The following DRGX variants were observed in gnomAD, a reference collection of about 807,000 sequenced individuals.
DRGX encodes the protein dorsal root ganglia homeobox protein.
Under a neutral mutation model 28.6 loss-of-function variants are expected in DRGX, and 21 were observed. That is an observed-to-expected ratio of 0.73 (90% CI 0.52 to 1.06). DRGX has a LOEUF of 1.06. DRGX is among the 50% of genes least tolerant of loss of function. DRGX has a pLI of 0.00. For synonymous variants in DRGX, 136 were observed against 139.1 expected, an observed-to-expected ratio of 0.98 and a Z score of 0.16; for missense variants, 354 against 343.9, an observed-to-expected ratio of 1.03 and a Z score of -0.23.
intron 6 of DRGX, among the ~76,000 whole-genome samples, chr10:49,374,299 C>A (rs534004051): frequency 6.6e-6 from 1 of 152,200 alleles, no homozygotes; most frequent in Non-Finnish European, 1.5e-5. Flanking sequence ...TCCGCCTGCA[C>A]TCAGGGTATT....
At chr10:49,366,811 A>G (rs1232119080) in intron 6 of DRGX, among the ~76,000 whole-genome samples, 1 of 152,232 alleles carries the variant, frequency 6.6e-6, no homozygotes, top group African/African-American at 2.4e-5. Flanking sequence ...AATGGAAGGA[A>G]ACCCAGCCAC....
intron 6 of DRGX, among the ~76,000 whole-genome samples, chr10:49,371,717 G>A (rs574368316): frequency 1.3e-5 from 2 of 150,944 alleles, no homozygotes; most frequent in South Asian, 2.1e-4. Flanking sequence ...GCTTGAACCC[G>A]GGAGGTGGAG....
chr10:49,385,144 A>C (rs1262554475), intron 6 of DRGX, among the ~76,000 whole-genome samples: 1 of 152,112 alleles, frequency 6.6e-6, no homozygotes, highest in African/African-American at 2.4e-5. Flanking sequence ...ATGTTGCTCT[A>C]TGGGGTTGGG....
intron 6 of DRGX, among the ~76,000 whole-genome samples, chr10:49,378,810 C>T (rs1849742710): frequency 6.6e-6 from 1 of 151,846 alleles, no homozygotes; most frequent in South Asian, 2.1e-4. Context: ...AGTGCTGAGC[C>T]GAAGAACTCA....
At chr10:49,392,181 G>A (rs952382913) in intron 2 of DRGX, among the ~76,000 whole-genome samples, 1 of 152,216 alleles carries the variant, frequency 6.6e-6, no homozygotes, top group African/African-American at 2.4e-5. Flanking sequence ...ATTAACCAGT[G>A]AATACTTTAC....
intron 6 of DRGX, among the ~76,000 whole-genome samples, chr10:49,371,682 C>G (rs1849660637): frequency 6.6e-6 from 1 of 151,066 alleles, no homozygotes; most frequent in Non-Finnish European, 1.5e-5. Context: ...ATCCCAGGTA[C>G]TCCGGAGGCT....
chr10:49,388,486 T>C (rs185717518), intron 4 of DRGX, among the ~76,000 whole-genome samples: 360 of 152,378 alleles, frequency 2.4e-3, no homozygotes, highest in African/African-American at 8.2e-3. Flanking sequence ...TCTAATCTAC[T>C]TGGCTTTTAA....
intron 6 of DRGX, among the ~76,000 whole-genome samples, chr10:49,377,789 T>A (rs1429478555): frequency 1.3e-5 from 2 of 152,224 alleles, no homozygotes; most frequent in African/African-American, 4.8e-5. Context: ...ACTGCCCAGT[T>A]GAGCCCAGCC....
intron 6 of DRGX, among the ~76,000 whole-genome samples, chr10:49,367,073 C>A (rs140298073): frequency 1.7e-4 from 26 of 152,280 alleles, no homozygotes; most frequent in Non-Finnish European, 2.9e-4. Context: ...AAAATGAAAG[C>A]AGTCAGGTAC....
In DRGX at chr10:49,376,544, C is replaced by G. The variant is rs116580221; in HGVS notation, c.526+9934G>C. On this transcript the variant is annotated intron_variant, in intron 6 of 6. Coordinates refer to ENST00000374139, the MANE Select transcript of DRGX (RefSeq NM_001276451.2). ...AAACCTCTGCCTCAGCGATCCAAAC[C>G]CAAGCCCTAATCAGATCCCAAGTGA... Among the ~76,000 whole-genome samples, 945 of 152,276 alleles carry G rather than the reference C, an allele frequency of 6.2e-3. 9 individuals carry two copies. The highest frequency in any genetic ancestry group is 0.021 in the African/African-American group (892 of 41,552).
chr10:49,370,512 C>T (rs1238883420), intron 6 of DRGX, among the ~76,000 whole-genome samples: 4 of 152,174 alleles, frequency 2.6e-5, no homozygotes, highest in Non-Finnish European at 5.9e-5. Flanking sequence ...TCAAAGGGGG[C>T]GGATGCCTGC....
intron 2 of DRGX, chr10:49,391,719 C>T (rs1048200465): frequency 4.3e-6 from 2 of 460,388 alleles, no homozygotes; most frequent in African/African-American, 4.1e-5. Flanking sequence ...GAATTAAAAT[C>T]TGGGGGTTAG....
At chr10:49,394,858 C>T (rs1385993012) in intron 2 of DRGX, among the ~76,000 whole-genome samples, 1 of 152,196 alleles carries the variant, frequency 6.6e-6, no homozygotes, top group African/African-American at 2.4e-5. Flanking sequence ...GTGGGCAGGG[C>T]CACCTGGTTC....
At position 49,395,481 on chromosome 10, in the gene DRGX, G is replaced by A; in HGVS notation, c.-41C>T. The A allele has an allele frequency of 6.5e-7, 1 of 1,548,930 alleles. No homozygotes were observed. Among genetic ancestry groups the A allele is most frequent in the South Asian group, 1.2e-5 (1 of 84,054 alleles). On this transcript the variant is annotated 5_prime_UTR_variant, in exon 2 of 7. Transcript: ENST00000374139. ...CGGCTGGACGGCCGAGACCTGGGAGGGTGGCAGCAGAACGGACCCGCGCGC... is the reference window on the plus strand; with the variant it reads ...CGGCTGGACGGCCGAGACCTGGGAGAGTGGCAGCAGAACGGACCCGCGCGC...
intron 2 of DRGX, among the ~76,000 whole-genome samples, chr10:49,393,298 T>C (rs889427970): frequency 2.0e-5 from 3 of 152,242 alleles, no homozygotes; most frequent in African/African-American, 7.2e-5. Flanking sequence ...TGTAGCAATA[T>C]AATTTCAGTG....
chr10:49,371,686 G>A (rs554585440), intron 6 of DRGX, among the ~76,000 whole-genome samples: 8 of 151,704 alleles, frequency 5.3e-5, no homozygotes, highest in East Asian at 1.9e-4. Flanking sequence ...CAGGTACTCC[G>A]GAGGCTAAGG....
At chr10:49,390,559 G>A (rs1382696838) in intron 3 of DRGX, among the ~76,000 whole-genome samples, 1 of 152,202 alleles carries the variant, frequency 6.6e-6, no homozygotes, top group Non-Finnish European at 1.5e-5. Context: ...AACTGTTAGA[G>A]TAATTGTTAT....
rs990124996 is a variant in DRGX, at chr10:49,364,735, T to C, written c.*1381A>G. Reference sequence around the variant, plus strand: ...CGTAGTGATCATAGACAAGGCATGATACACTCAGGAGTATTATTTGGGGGT... The same window carrying C: ...CGTAGTGATCATAGACAAGGCATGACACACTCAGGAGTATTATTTGGGGGT... On this transcript the variant is annotated 3_prime_UTR_variant, in exon 7 of 7. Transcript: ENST00000374139. 26 of 152,042 alleles carry C rather than the reference T, an allele frequency of 1.7e-4. No individual in the cohort carries two copies. The highest frequency in any genetic ancestry group is 6.0e-4 in the African/African-American group (25 of 41,380). The allele number at this position is 152,042 out of a possible 1,614,324, so 9.4% of individuals were successfully genotyped here.
At position 49,365,892 on chromosome 10, in the gene DRGX, G is replaced by T; in HGVS notation, c.*224C>A. The stretch of plus-strand genomic sequence containing the variant: ...CTCTGCTGCCACCAAGTGCCATCGG[G>T]ATCTGTTGCCAAAGAAGCCAGGACA... On this transcript the variant is annotated 3_prime_UTR_variant, in exon 7 of 7. Coordinates refer to ENST00000374139, the MANE Select transcript of DRGX (RefSeq NM_001276451.2). 1 of 419,868 alleles carries T rather than the reference G, an allele frequency of 2.4e-6. No individual in the cohort carries two copies. Among genetic ancestry groups the T allele is most frequent in the East Asian group, 3.7e-5 (1 of 27,326 alleles). The allele number at this position is 419,868 out of a possible 1,614,324, so 26.0% of individuals were successfully genotyped here. A position where few individuals can be genotyped will look rare whatever the true frequency, so the allele number is the denominator to read the frequency against.
Sources: gnomAD v4.1 joint callset for allele counts (sites outside exome capture counted in the v4.1 genomes callset) on GRCh38, gnomAD v4.1.1 for gene constraint, MANE v1.5 for transcripts, NCBI Gene and HGNC (gene_info 2026-07-23, HGNC 2026-07-21) for gene names.